Variants in LRRC73 observed in about 807,000 individuals in gnomAD.
LRRC73 encodes leucine rich repeat containing 73, also known as leucine-rich repeat-containing protein 73.
A neutral mutation model predicts 26.4 loss-of-function variants in LRRC73; 16 were observed. The ratio of observed to expected loss-of-function variants is 0.61; its 90% CI spans 0.41 to 0.92. The LOEUF (loss-of-function observed/expected upper bound fraction) is 0.92, where lower values mean the gene tolerates loss of function less well. Among genes scored for constraint, LRRC73 ranks in the 40% least tolerant of loss-of-function variants. The probability of loss-of-function intolerance (pLI) is 0.00; values close to 1 mark genes in which losing one functional copy is unlikely to be tolerated. For synonymous variants in LRRC73, 210 were observed against 179.8 expected, an observed-to-expected ratio of 1.17 and a Z score of -1.34; for missense variants, 344 against 416.3, an observed-to-expected ratio of 0.83 and a Z score of 1.51.
chr6:43,508,077 G>T, intron 3 of LRRC73, 151 bp from the exon 4 acceptor site: 2 of 964,526 alleles, frequency 2.1e-6, no homozygotes, highest in Non-Finnish European at 3.1e-6. Flanking sequence ...ATTGTGATTG[G>T]TGAGTGAAGG....
chr6:43,508,790 C>A, exon 2 of LRRC73: 1 of 1,612,638 alleles, frequency 6.2e-7, no homozygotes, highest in Non-Finnish European at 8.5e-7. Context: ...GGCAGGAGGC[C>A]ACAGATGAGG....
chr6:43,509,928 CGGA>C, exon 1 of LRRC73: 11 of 583,872 alleles, frequency 1.9e-5, no homozygotes, highest in Non-Finnish European at 2.8e-5. Context: ...GCGGCTGTGG[CGGA>C]GGCTGCGGCT....
At chr6:43,507,293 A>T (rs1561849008) in exon 6 of LRRC73, 3 of 1,613,962 alleles carry the variant, frequency 1.9e-6, no homozygotes, top group Non-Finnish European at 2.5e-6. Flanking sequence ...CATTAGCACC[A>T]TCTGAGAGCT....
intron 3 of LRRC73, among the ~76,000 whole-genome samples, 164 bp from the exon 4 acceptor site, chr6:43,508,090 C>A (rs1021854630): frequency 6.6e-6 from 1 of 152,202 alleles, no homozygotes; most frequent in Non-Finnish European, 1.5e-5. Context: ...AGTGAAGGCA[C>A]GAAGCAAGTT....
At chr6:43,507,339 C>T (rs374887515) in intron 5 of LRRC73, 31 bp from the exon 6 acceptor site, 28 of 1,613,138 alleles carry the variant, frequency 1.7e-5, no homozygotes, top group Non-Finnish European at 2.4e-5. Context: ...GTTCAGACCA[C>T]CATTCCTTCC....
At chr6:43,507,835 C>G in exon 4 of LRRC73, 2 of 1,613,846 alleles carry the variant, frequency 1.2e-6, no homozygotes, top group Non-Finnish European at 1.7e-6. Flanking sequence ...CCTGAGCTGA[C>G]TGGTTGGTGA....
At chr6:43,507,373 G>C (rs1306229621) in intron 5 of LRRC73, 65 bp from the exon 6 acceptor site, 1 of 1,608,396 alleles carries the variant, frequency 6.2e-7, no homozygotes, top group Non-Finnish European at 8.5e-7. Flanking sequence ...ACAGATAGGT[G>C]AGAGCCTAGG....
intron 3 of LRRC73, 57 bp from the exon 4 acceptor site, chr6:43,507,983 T>G: frequency 6.8e-7 from 1 of 1,465,262 alleles, no homozygotes; most frequent in Middle Eastern, 1.7e-4. Flanking sequence ...TCCTTACAGA[T>G]AGCTTCCCCA....
exon 1 of LRRC73, chr6:43,509,593 G>T (rs1365009486): frequency 6.2e-7 from 1 of 1,608,414 alleles, no homozygotes; most frequent in African/African-American, 1.3e-5. Flanking sequence ...ACGACGCCCA[G>T]GTTAAGGTTG....
rs745980713 is a variant in LRRC73, at chr6:43,508,456, G to A, written c.434-36C>T. 9 of 1,612,348 alleles carry A rather than the reference G, an allele frequency of 5.6e-6. No individual in the cohort carries two copies. The Admixed American group carries it at 1.3e-4, about 24-fold the overall frequency. ...TCATAGCAAGAAACCAGAATAGGGA[G>A]GGTTAAGCCCTCCTCCAGCCCTTCC... On this transcript the variant is annotated intron_variant, in intron 2 of 5. Transcript: ENST00000372441.
At chr6:43,510,227 A>C (rs1314126248) in exon 1 of LRRC73, 1 of 154,372 alleles carries the variant, frequency 6.5e-6, no homozygotes, top group Non-Finnish European at 1.4e-5. Flanking sequence ...AGGAGGCCGT[A>C]CCCGCTCCCT....
chr6:43,508,959 C>T (rs201919768), intron 1 of LRRC73, 39 bp from the exon 2 acceptor site: 13 of 1,515,656 alleles, frequency 8.6e-6, no homozygotes, highest in East Asian at 7.1e-5. Context: ...TGCAGTCCTC[C>T]GCACTATCTA....
At chr6:43,507,414 C>T (rs762954014) in intron 5 of LRRC73, 42 bp downstream of exon 5, 4 of 1,610,672 alleles carry the variant, frequency 2.5e-6, no homozygotes, top group Non-Finnish European at 3.4e-6. Flanking sequence ...TTGTCCCGAG[C>T]CTCTTCCAGA....
chr6:43,508,450 T>G (rs781345135), intron 2 of LRRC73, 30 bp from the exon 3 acceptor site: 5 of 1,612,498 alleles, frequency 3.1e-6, no homozygotes, highest in Non-Finnish European at 4.2e-6. Flanking sequence ...GAAACCAGAA[T>G]AGGGAGGGTT....
chr6:43,507,179 T>A lies in LRRC73; in HGVS notation c.*59A>T, dbSNP rs1182769686. ...AGTCCCAGGGCCTGACCCTGATATC[T>A]GGGGCAAGGTGCTCGGGACATAGAT... On this transcript the variant is annotated 3_prime_UTR_variant, in exon 6 of 6. Coordinates refer to ENST00000372441, the Ensembl canonical transcript of LRRC73. The A allele has an allele frequency of 2.5e-6, 4 of 1,583,446 alleles. No individual in the cohort carries two copies. In the East Asian group the frequency reaches 9.0e-5, roughly 36 times the overall value.
exon 1 of LRRC73, chr6:43,509,583 A>G (rs1792603046): frequency 6.2e-7 from 1 of 1,608,960 alleles, no homozygotes; most frequent in Non-Finnish European, 8.5e-7. Context: ...GGGGCTGGAC[A>G]CGACGCCCAG....
chr6:43,508,277 G>C, intron 3 of LRRC73, 21 bp downstream of exon 3: 4 of 1,600,660 alleles, frequency 2.5e-6, no homozygotes, highest in Non-Finnish European at 3.4e-6. Flanking sequence ...GACAGCCCAA[G>C]GGGGTATTCT....
At chr6:43,507,411 G>T in intron 5 of LRRC73, 45 bp downstream of exon 5, 1 of 1,610,080 alleles carries the variant, frequency 6.2e-7, no homozygotes. Flanking sequence ...CCCTTGTCCC[G>T]AGCCTCTTCC....
At chr6:43,510,063 G>A (rs1792617929) in exon 1 of LRRC73, 3 of 257,104 alleles carry the variant, frequency 1.2e-5, no homozygotes, top group Non-Finnish European at 2.2e-5. Flanking sequence ...GGCGGGGGCG[G>A]CCCGCACGGT....
Sources: allele counts gnomAD v4.1 joint callset (sites outside exome capture counted in the v4.1 genomes callset), GRCh38; gene constraint gnomAD v4.1.1; transcripts MANE v1.5; gene names NCBI Gene and HGNC (gene_info 2026-07-23, HGNC 2026-07-21).